Variants in TRPM7 observed in about 807,000 individuals in gnomAD.
TRPM7 encodes LTRPC ion channel family member 7.
TRPM7 carries 134 observed loss-of-function variants against 229.7 expected under a neutral mutation model. The ratio of observed to expected loss-of-function variants is 0.58; its 90% confidence interval spans 0.51 to 0.67. The LOEUF is 0.67. TRPM7 is among the 30% of genes least tolerant of loss of function. The pLI is 0.00. For synonymous variants in TRPM7, 699 were observed against 715.2 expected, an observed-to-expected ratio of 0.98 and a Z score of 0.36; for missense variants, 1,901 against 2,210.0, an observed-to-expected ratio of 0.86 and a Z score of 2.80.
intron 13 of TRPM7, among the ~76,000 whole-genome samples, chr15:50,617,447 G>T (rs2060259416): frequency 6.6e-6 from 1 of 151,700 alleles, no homozygotes; most frequent in South Asian, 2.1e-4. Flanking sequence ...AGGTTGCAGT[G>T]AGCCGAGATC....
At position 50,639,751 on chromosome 15, in the gene TRPM7, T is replaced by C. The variant is rs991656666; in HGVS notation, c.536-203A>G. Among the ~76,000 whole-genome samples the C allele has an allele frequency of 1.4e-4, 21 of 150,942 alleles. No homozygotes were observed. The East Asian group carries it at 3.1e-3, about 22-fold the overall frequency. Reference sequence around the variant, plus strand: ...CCGGCTAATTTTTTTTTTTTTTTTTTCAGTAGAGACAGGTGGGTCTTGAAC... The same window carrying C: ...CCGGCTAATTTTTTTTTTTTTTTTTCCAGTAGAGACAGGTGGGTCTTGAAC... On this transcript the variant is annotated intron_variant, in intron 5 of 38. Transcript: ENST00000646667.
intron 26 of TRPM7, among the ~76,000 whole-genome samples, chr15:50,590,146 G>A (rs1438808648): frequency 2.0e-5 from 3 of 152,016 alleles, no homozygotes; most frequent in South Asian, 2.1e-4. Context: ...CTGAGCCACC[G>A]CACCTGGCCA....
chr15:50,569,034 C>T (rs190376697), intron 38 of TRPM7, among the ~76,000 whole-genome samples: 8 of 149,570 alleles, frequency 5.3e-5, no homozygotes, highest in Non-Finnish European at 9.0e-5. Context: ...GGGCCCCAGA[C>T]ATGTGTAATT....
At chr15:50,679,517 T>TATATATATATATATGTGTATATATATA (rs2062187411) in intron 1 of TRPM7, among the ~76,000 whole-genome samples, 2 of 36,494 alleles carry the variant, frequency 5.5e-5, no homozygotes, top group Admixed American at 4.5e-4. Flanking sequence ...ATATAATATA[T>TATATATATATATATGTGTATATATATA]ATATATATAT....
intron 1 of TRPM7, among the ~76,000 whole-genome samples, chr15:50,682,990 C>T (rs2062275034): frequency 1.3e-5 from 2 of 151,700 alleles, no homozygotes; most frequent in South Asian, 2.1e-4. Flanking sequence ...TCAAGCCATC[C>T]TCCCACCTCA....
chr15:50,592,659 G>T (rs773507673), intron 25 of TRPM7, 33 bp from the exon 26 acceptor site: 2 of 1,394,980 alleles, frequency 1.4e-6, no homozygotes, highest in Admixed American at 4.6e-5. Flanking sequence ...TTTTACAAAT[G>T]TGAAAAAATA....
intron 36 of TRPM7, among the ~76,000 whole-genome samples, chr15:50,570,682 A>T (rs1409555950): frequency 6.8e-6 from 1 of 148,006 alleles, no homozygotes; most frequent in Non-Finnish European, 1.5e-5. Context: ...ATTCCTAAAA[A>T]AAAAAAAAAA....
At chr15:50,565,307 A>C (rs1159414584) in intron 38 of TRPM7, among the ~76,000 whole-genome samples, 1 of 152,154 alleles carries the variant, frequency 6.6e-6, no homozygotes, top group African/African-American at 2.4e-5. Flanking sequence ...ATTTAAAACA[A>C]AATCAAGAAC....
rs1252029451 is a variant in TRPM7, at chr15:50,686,788, G to C, written c.-255C>G. The C allele has an allele frequency of 1.5e-5, 6 of 388,780 alleles. No homozygotes were observed. Among genetic ancestry groups the C allele is most frequent in the Non-Finnish European group, 2.7e-5 (6 of 221,538 alleles). 24.1% of individuals were successfully genotyped at this position (388,780 alleles called of 1,614,324 possible). A position where few individuals can be genotyped will look rare whatever the true frequency, so the allele number is the denominator to read the frequency against. On this transcript the variant is annotated 5_prime_UTR_variant, in exon 1 of 39. Coordinates refer to ENST00000646667, the MANE Select transcript of TRPM7 (RefSeq NM_017672.6). ...CCGCGCCCGCCTCCGCCGGCGACGG[G>C]GCTGGGGACGGACCACGTGAGCGGC...
At position 50,634,528 on chromosome 15, in the gene TRPM7, T is replaced by G. The variant is rs1159868816; in HGVS notation, c.861A>C (p.Ala287=). The change falls in exon 8 of 39, where the codon GCA becomes GCC. Residue 287 remains alanine, a synonymous_variant. Transcript: ENST00000646667. ...CATTTGGCCCACCCTCAAATATAAGTGCCACCACAGGGACACCCTGGCCAA... is the reference window on the plus strand; with the variant it reads ...CATTTGGCCCACCCTCAAATATAAGGGCCACCACAGGGACACCCTGGCCAA... ...ARIGQGVPVV[A]LIFEGGPNVI... is the part of the protein sequence containing the mutation. The G allele has an allele frequency of 2.6e-6, 4 of 1,519,330 alleles. No individual in the cohort carries two copies. The allele number at this position is 1,519,330 out of a possible 1,614,324, so 94.1% of individuals were successfully genotyped here. A position where few individuals can be genotyped will look rare whatever the true frequency, so the allele number is the denominator to read the frequency against.
chr15:50,573,708 G>C (rs1002885759), intron 36 of TRPM7, among the ~76,000 whole-genome samples: 72 of 152,246 alleles, frequency 4.7e-4, no homozygotes, highest in African/African-American at 1.6e-3. Flanking sequence ...GCATATCTTA[G>C]AATAGGGAAT....
At chr15:50,683,798 CTCT>C (rs1383023038) in intron 1 of TRPM7, among the ~76,000 whole-genome samples, 17 of 152,078 alleles carry the variant, frequency 1.1e-4, no homozygotes, top group African/African-American at 3.6e-4. Context: ...CAGTATGTGC[CTCT>C]TAATGTAATG....
intron 28 of TRPM7, among the ~76,000 whole-genome samples, 165 bp downstream of exon 28, chr15:50,586,227 G>A (rs574007093): frequency 1.3e-4 from 20 of 152,306 alleles, no homozygotes; most frequent in Admixed American, 1.3e-4. Flanking sequence ...TCTAATGAAT[G>A]CTAGGATTAC....
At chr15:50,591,220 T>C (rs1348820961) in intron 26 of TRPM7, among the ~76,000 whole-genome samples, 1 of 152,198 alleles carries the variant, frequency 6.6e-6, no homozygotes, top group Non-Finnish European at 1.5e-5. Flanking sequence ...TTATTAATAG[T>C]GCACCCTTTC....
chr15:50,619,377 T>C (rs1414075249), intron 13 of TRPM7, among the ~76,000 whole-genome samples: 1 of 151,886 alleles, frequency 6.6e-6, no homozygotes, highest in Non-Finnish European at 1.5e-5. Context: ...TGCACCACCA[T>C]GCCCAGGTAA....
chr15:50,563,094 C>G (rs908197148), intron 38 of TRPM7, among the ~76,000 whole-genome samples: 3 of 152,108 alleles, frequency 2.0e-5, no homozygotes, highest in African/African-American at 7.2e-5. Context: ...CAGTTAATGG[C>G]CCAAGATTGT....
intron 2 of TRPM7, among the ~76,000 whole-genome samples, chr15:50,660,799 G>A (rs1046566135): frequency 3.9e-5 from 6 of 152,080 alleles, no homozygotes; most frequent in Non-Finnish European, 8.8e-5. Context: ...AAAGATTCTG[G>A]CATTACATAA....
At chr15:50,613,544 ATAAT>A (rs1463680781) in intron 15 of TRPM7, among the ~76,000 whole-genome samples, 159 bp downstream of exon 15, 3 of 149,868 alleles carry the variant, frequency 2.0e-5, no homozygotes, top group Admixed American at 6.7e-5. Context: ...TCATTAACTT[ATAAT>A]TAATATCTCT....
At chr15:50,677,637 G>T (rs1036623221) in intron 1 of TRPM7, among the ~76,000 whole-genome samples, 1 of 150,910 alleles carries the variant, frequency 6.6e-6, no homozygotes, top group African/African-American at 2.4e-5. Context: ...TACTCAGGAG[G>T]CTGAGGCAGA....
Sources: gnomAD v4.1 joint callset for allele counts (sites outside exome capture counted in the v4.1 genomes callset) on GRCh38, gnomAD v4.1.1 for gene constraint, MANE v1.5 for transcripts, NCBI Gene and HGNC (gene_info 2026-07-23, HGNC 2026-07-21) for gene names.